Variants in MAMLD1 observed in about 807,000 individuals in gnomAD.
MAMLD1 encodes mastermind-like domain-containing protein 1.
In MAMLD1, 14 loss-of-function variants were observed where a neutral mutation model predicts 45.0. The observed-to-expected ratio is 0.31, with a 90% CI of 0.21 to 0.49. The LOEUF (loss-of-function observed/expected upper bound fraction) is 0.49, where lower values mean the gene tolerates loss of function less well. Ranked by LOEUF, MAMLD1 falls within the 20% of genes least tolerant of loss-of-function variation. MAMLD1 has a pLI of 0.99. For synonymous variants in MAMLD1, 254 were observed against 247.8 expected, an observed-to-expected ratio of 1.02 and a Z score of -0.24; for missense variants, 543 against 603.6, an observed-to-expected ratio of 0.90 and a Z score of 1.05.
At chrX:150,503,951 C>A in intron 6 of MAMLD1, 1 of 506,614 alleles carries the variant, frequency 2.0e-6, no homozygotes, top group Non-Finnish European at 2.4e-6. Context: ...TACCTGCCTG[C>A]TTGGCACCTA....
intron 6 of MAMLD1, chrX:150,504,734 T>C (rs1303469014): frequency 2.7e-6 from 2 of 752,759 alleles, no homozygotes; most frequent in Non-Finnish European, 3.1e-6. Flanking sequence ...ATTCTCTCTC[T>C]TCTCAAGCCA....
intron 1 of MAMLD1, among the ~76,000 whole-genome samples, chrX:150,411,046 ATTC>A (rs1306464558): frequency 1.5e-4 from 17 of 111,352 alleles, no homozygotes; most frequent in Non-Finnish European, 2.8e-4. Context: ...GCCCAGGACA[ATTC>A]TTCTTCCACT....
chrX:150,497,189 A>G (rs868920118), intron 5 of MAMLD1, among the ~76,000 whole-genome samples: 36 of 111,965 alleles, frequency 3.2e-4, no homozygotes, highest in African/African-American at 9.7e-4. Context: ...ACAAAATGCA[A>G]ATTTACAGAA....
intron 1 of MAMLD1, among the ~76,000 whole-genome samples, chrX:150,395,724 T>C (rs1431241549): frequency 9.0e-6 from 1 of 110,994 alleles, no homozygotes; most frequent in Non-Finnish European, 1.9e-5. Flanking sequence ...GAGCCTAGGG[T>C]TGTTCACAGT....
At chrX:150,438,228 A>G (rs2124585884) in intron 1 of MAMLD1, among the ~76,000 whole-genome samples, 1 of 112,346 alleles carries the variant, frequency 8.9e-6, no homozygotes, top group Non-Finnish European at 1.9e-5. Flanking sequence ...TTACTGGGTC[A>G]TATAGTTGCT....
intron 1 of MAMLD1, among the ~76,000 whole-genome samples, chrX:150,440,261 A>T (rs962483839): frequency 2.0e-4 from 22 of 110,561 alleles, no homozygotes; most frequent in African/African-American, 5.2e-4. Flanking sequence ...CTTTTTTATA[A>T]ATTGCTGAAA....
At chrX:150,445,410 T>C in intron 1 of MAMLD1, 44 bp from the exon 2 acceptor site, 1 of 560,827 alleles carries the variant, frequency 1.8e-6, no homozygotes, top group Non-Finnish European at 3.2e-6. Flanking sequence ...GTCAGTGGTC[T>C]CATCTTCATA....
intron 1 of MAMLD1, among the ~76,000 whole-genome samples, chrX:150,370,255 T>A (rs942859272): frequency 2.7e-5 from 3 of 110,815 alleles, no homozygotes; most frequent in Non-Finnish European, 5.7e-5. Context: ...ACCAGTCAAC[T>A]GTATGGCAGG....
chrX:150,373,957 G>T (rs1030519740), intron 1 of MAMLD1, among the ~76,000 whole-genome samples: 2 of 112,020 alleles, frequency 1.8e-5, no homozygotes, highest in Admixed American at 9.4e-5. Context: ...CATAAAGCTG[G>T]TCCTATTTAT....
At chrX:150,498,059 C>A (rs782579475) in intron 5 of MAMLD1, among the ~76,000 whole-genome samples, 2 of 111,102 alleles carry the variant, frequency 1.8e-5, no homozygotes, top group East Asian at 5.6e-4. Flanking sequence ...TGAGTAAGTT[C>A]TCAGTAAATA....
chrX:150,412,130 A>C (rs1260375334), intron 1 of MAMLD1, among the ~76,000 whole-genome samples: 1 of 111,341 alleles, frequency 9.0e-6, no homozygotes, highest in Non-Finnish European at 1.9e-5. Flanking sequence ...TGTTGACAAT[A>C]CTGGGATTCT....
intron 5 of MAMLD1, among the ~76,000 whole-genome samples, chrX:150,490,989 G>A (rs921089432): frequency 2.1e-4 from 24 of 111,977 alleles, no homozygotes; most frequent in Admixed American, 2.0e-3. Context: ...AGTTCACACG[G>A]CTAATGGCAA....
intron 1 of MAMLD1, among the ~76,000 whole-genome samples, chrX:150,396,149 A>ATTTTTTTT (rs151164752): frequency 3.6e-4 from 14 of 39,249 alleles, no homozygotes; most frequent in African/African-American, 5.3e-4. Context: ...TACCTGGCTA[A>ATTTTTTTT]TTTTTTTTTT....
rs1557409182 is a variant in MAMLD1, at chrX:150,512,350, C to T, written c.*391C>T. 2.6e-6 allele frequency: 3 copies of T among 1,134,656 alleles called. No homozygotes were observed. In the Admixed American group the frequency reaches 8.0e-5, roughly 30 times the overall value. The allele number at this position is 1,134,656 out of a possible 1,213,427, so 93.5% of individuals were successfully genotyped here. A position where few individuals can be genotyped will look rare whatever the true frequency, so the allele number is the denominator to read the frequency against. ...GTCCCAGCTCCCTGGGCACCCAGTC[C>T]TTGAGTCCCCACCAGCTCAGACGGC... On this transcript the variant is annotated 3_prime_UTR_variant, in exon 8 of 8. Coordinates refer to ENST00000370401, the MANE Select transcript of MAMLD1 (RefSeq NM_005491.5).
At chrX:150,496,801 A>C (rs924748886) in intron 5 of MAMLD1, among the ~76,000 whole-genome samples, 8 of 112,216 alleles carry the variant, frequency 7.1e-5, no homozygotes, top group Admixed American at 6.6e-4. Flanking sequence ...CAGAAGTGGG[A>C]AGTATACTGC....
chrX:150,379,197 A>T (rs1557401536), intron 1 of MAMLD1, among the ~76,000 whole-genome samples: 1 of 111,626 alleles, frequency 9.0e-6, no homozygotes, highest in Admixed American at 9.5e-5. Context: ...ACAACAGCAA[A>T]GTTCATTCTA....
In MAMLD1 at chrX:150,471,042, T is replaced by A. The variant is rs371644266; in HGVS notation, c.1469T>A (p.Leu490Gln). Reference sequence around the variant, plus strand: ...AGCCTCACTCCCACCAGTAATCTTCTAAGCCAGCAACAGCAGCAGCAGCAG... The same window carrying A: ...AGCCTCACTCCCACCAGTAATCTTCAAAGCCAGCAACAGCAGCAGCAGCAG... ...IRSLTPTSNL[L>Q]SQQQQQQQQQ... The change falls in exon 4 of 8, where the codon CTA (leucine) becomes CAA (glutamine). Residue 490 changes from leucine to glutamine, a missense_variant. Coordinates refer to ENST00000370401, the MANE Select transcript of MAMLD1 (RefSeq NM_005491.5). The A allele has an allele frequency of 3.3e-6, 4 of 1,210,109 alleles. No individual in the cohort carries two copies. The African/African-American group carries it at 7.0e-5, about 21-fold the overall frequency.
Position 150,513,175 on chromosome X carries a change from T to G in MAMLD1, c.*1216T>G. ...TCTCCCGTTACAATTTGAGTGGTGT[T>G]GTCAGCCCATGCTTATCCCTCTCTC... is the stretch of plus-strand genomic sequence containing the variant. On this transcript the variant is annotated 3_prime_UTR_variant, in exon 8 of 8. Transcript: ENST00000370401. 1.4e-6 allele frequency: 1 copy of G among 689,717 alleles called. No homozygotes were observed. Among genetic ancestry groups the G allele is most frequent in the Non-Finnish European group, 2.1e-6 (1 of 475,527 alleles). 56.8% of individuals were successfully genotyped at this position (689,717 alleles called of 1,213,427 possible).
intron 1 of MAMLD1, among the ~76,000 whole-genome samples, chrX:150,380,936 A>G (rs1381049966): frequency 9.1e-6 from 1 of 109,729 alleles, no homozygotes; most frequent in Non-Finnish European, 1.9e-5. Flanking sequence ...TCCTGGGCTT[A>G]GGCGTTCCTC....
Sources: gnomAD v4.1 joint callset for allele counts (sites outside exome capture counted in the v4.1 genomes callset) on GRCh38, gnomAD v4.1.1 for gene constraint, MANE v1.5 for transcripts, NCBI Gene and HGNC (gene_info 2026-07-23, HGNC 2026-07-21) for gene names.